GPC5: variants seen among roughly 807,000 people sequenced by gnomAD.
The protein encoded by GPC5 is glypican-5.
GPC5 carries 47 observed loss-of-function variants against 53.9 expected under a neutral mutation model. That is an observed-to-expected ratio of 0.87 (90% CI 0.69 to 1.11). The LOEUF (loss-of-function observed/expected upper bound fraction) is 1.11. GPC5 is among the 50% of genes most tolerant of loss of function. The probability of loss-of-function intolerance (pLI) is 0.00; values close to 1 mark genes in which losing one functional copy is unlikely to be tolerated. For synonymous variants in GPC5, 286 were observed against 263.3 expected (o/e 1.09, Z -0.84); for missense variants, 748 against 713.1 (o/e 1.05, Z -0.56).
chr13:92,248,620 C>G (rs1316179664), intron 7 of GPC5, among the ~76,000 whole-genome samples: 1 of 152,144 alleles, frequency 6.6e-6, no homozygotes, highest in Non-Finnish European at 1.5e-5. Flanking sequence ...ACTATTATTT[C>G]TCCATTCTTC....
intron 7 of GPC5, among the ~76,000 whole-genome samples, chr13:92,744,868 G>GTAGACAGAGATACCCATTCCACT (rs1889202929): frequency 6.6e-6 from 1 of 151,940 alleles, no homozygotes; most frequent in Non-Finnish European, 1.5e-5. Flanking sequence ...GGATAGATAG[G>GTAGACAGAGATACCCATTCCACT]TAGACAGAGA....
At chr13:92,665,340 A>C (rs1886533570) in intron 7 of GPC5, among the ~76,000 whole-genome samples, 1 of 152,180 alleles carries the variant, frequency 6.6e-6, no homozygotes, top group Non-Finnish European at 1.5e-5. Context: ...CAAAACTCTA[A>C]GAAAGGAAAG....
intron 7 of GPC5, among the ~76,000 whole-genome samples, chr13:92,325,023 T>C (rs968950386): frequency 1.3e-5 from 2 of 151,672 alleles, no homozygotes; most frequent in Admixed American, 1.3e-4. Flanking sequence ...ACGTAAAATA[T>C]GTTATATGTT....
intron 7 of GPC5, among the ~76,000 whole-genome samples, chr13:92,716,281 G>A (rs548967872): frequency 6.6e-6 from 1 of 152,106 alleles, no homozygotes; most frequent in Non-Finnish European, 1.5e-5. Context: ...TTATATGCCA[G>A]CAACACAGAG....
chr13:92,444,362 A>C (rs189054894), intron 7 of GPC5, among the ~76,000 whole-genome samples: 23 of 152,244 alleles, frequency 1.5e-4, no homozygotes, highest in African/African-American at 4.8e-4. Context: ...ATAAATATTT[A>C]TTGAGCAGCC....
At chr13:92,191,642 T>G (rs556183425) in intron 7 of GPC5, among the ~76,000 whole-genome samples, 5 of 152,296 alleles carry the variant, frequency 3.3e-5, no homozygotes, top group African/African-American at 9.6e-5. Context: ...GTGAATGAAT[T>G]AACTGCGGTA....
At chr13:92,350,382 A>T (rs1007940014) in intron 7 of GPC5, among the ~76,000 whole-genome samples, 1 of 152,220 alleles carries the variant, frequency 6.6e-6, no homozygotes, top group East Asian at 1.9e-4. Flanking sequence ...AGTCCTTACT[A>T]GAACAATTAG....
At chr13:91,661,940 G>T (rs1194963234) in intron 2 of GPC5, among the ~76,000 whole-genome samples, 1 of 152,146 alleles carries the variant, frequency 6.6e-6, no homozygotes, top group Admixed American at 6.6e-5. Context: ...GAACTGGCAC[G>T]GTCTTATGTC....
At chr13:92,173,321 G>T (rs1397196957) in intron 7 of GPC5, among the ~76,000 whole-genome samples, 1 of 152,060 alleles carries the variant, frequency 6.6e-6, no homozygotes, top group Admixed American at 6.6e-5. Flanking sequence ...TGTCGATTCT[G>T]GGTTTTTAGG....
chr13:92,679,545 T>C (rs2139220172), intron 7 of GPC5, among the ~76,000 whole-genome samples: 2 of 152,302 alleles, frequency 1.3e-5, no homozygotes, highest in East Asian at 3.9e-4. Flanking sequence ...TCTAAACTAA[T>C]TTGCATGAAT....
intron 7 of GPC5, among the ~76,000 whole-genome samples, chr13:92,360,668 G>A (rs1403314685): frequency 6.6e-6 from 1 of 151,588 alleles, no homozygotes; most frequent in East Asian, 1.9e-4. Context: ...CATCCAAGAA[G>A]GAAGAGAGAA....
At chr13:92,318,551 T>G (rs1263211275) in intron 7 of GPC5, among the ~76,000 whole-genome samples, 1 of 152,194 alleles carries the variant, frequency 6.6e-6, no homozygotes, top group East Asian at 1.9e-4. Flanking sequence ...TACCTAATTT[T>G]TTTTAATGCC....
At chr13:92,662,910 A>G (rs1352403135) in intron 7 of GPC5, among the ~76,000 whole-genome samples, 7 of 152,064 alleles carry the variant, frequency 4.6e-5, no homozygotes, top group Non-Finnish European at 2.9e-5. Context: ...TCTACCCTGG[A>G]GCCCTTCCTT....
intron 7 of GPC5, among the ~76,000 whole-genome samples, chr13:92,353,639 A>C (rs1215328090): frequency 6.6e-6 from 1 of 152,182 alleles, no homozygotes; most frequent in Non-Finnish European, 1.5e-5. Flanking sequence ...GTAAATAAAT[A>C]TAAAGCAGAC....
At chr13:91,621,778 T>TATATATATATATATATATATAG (rs2033865801) in intron 2 of GPC5, among the ~76,000 whole-genome samples, 1 of 34,956 alleles carries the variant, frequency 2.9e-5, no homozygotes, top group African/African-American at 4.3e-5. Flanking sequence ...TATATATATA[T>TATATATATATATATATATATAG]ATATATATAT....
intron 7 of GPC5, among the ~76,000 whole-genome samples, chr13:92,571,834 T>C (rs1883032579): frequency 6.6e-6 from 1 of 151,508 alleles, no homozygotes; most frequent in Non-Finnish European, 1.5e-5. Context: ...AGACCAGGAG[T>C]TCAAGACTAG....
At chr13:92,198,965 A>AT in intron 7 of GPC5, among the ~76,000 whole-genome samples, 1 of 152,294 alleles carries the variant, frequency 6.6e-6, no homozygotes, top group South Asian at 2.1e-4. Context: ...AGCAATATTG[A>AT]TTTTTGTATT....
chr13:92,763,420 G>A (rs952320093), intron 7 of GPC5, among the ~76,000 whole-genome samples: 20 of 152,268 alleles, frequency 1.3e-4, no homozygotes, highest in South Asian at 4.1e-4. Flanking sequence ...GCAGAAGTTC[G>A]TGGCAGTGGC....
intron 2 of GPC5, among the ~76,000 whole-genome samples, chr13:91,663,369 A>G (rs190285323): frequency 3.3e-5 from 5 of 152,326 alleles, no homozygotes; most frequent in African/African-American, 1.2e-4. Context: ...TGTTGTGAGT[A>G]TACCTACATT....
Sources: allele counts gnomAD v4.1 joint callset (sites outside exome capture counted in the v4.1 genomes callset), GRCh38; gene constraint gnomAD v4.1.1; transcripts MANE v1.5; gene names NCBI Gene and HGNC (gene_info 2026-07-23, HGNC 2026-07-21).